SLC35D2: variants seen among roughly 807,000 people sequenced by gnomAD.
SLC35D2 encodes solute carrier family 35 member D2, also known as nucleotide sugar transporter SLC35D2.
Under a neutral mutation model 41.8 loss-of-function variants are expected in SLC35D2, and 43 were observed. That is an observed-to-expected ratio of 1.03 (90% CI 0.81 to 1.33). The LOEUF (loss-of-function observed/expected upper bound fraction) is 1.33, where lower values mean the gene tolerates loss of function less well. Among genes scored for constraint, SLC35D2 ranks in the 40% most tolerant of loss-of-function variants. The pLI, the probability that SLC35D2 is intolerant of heterozygous loss-of-function variation, is 0.00. For missense variants in SLC35D2, 380 were observed against 408.4 expected (o/e 0.93, Z 0.60); for synonymous variants, 150 against 163.9 (o/e 0.92, Z 0.65).
In SLC35D2 at chr9:96,353,162, T is replaced by C. The variant is rs185540598; in HGVS notation, c.348-1053A>G. Among the ~76,000 whole-genome samples the C allele has an allele frequency of 1.2e-4, 19 of 152,166 alleles. No homozygotes were observed. In the East Asian group the frequency reaches 3.3e-3, roughly 26 times the overall value. ...GGAAAAACATCAGAAACAACCTAAATGTCAGACATCACAATAGTTAAATAA... is the reference window on the plus strand; with the variant it reads ...GGAAAAACATCAGAAACAACCTAAACGTCAGACATCACAATAGTTAAATAA... On this transcript the variant is annotated intron_variant, in intron 4 of 11. Transcript: ENST00000253270.
exon 12 of SLC35D2, chr9:96,314,735 A>G (rs1441125941): frequency 6.6e-6 from 1 of 152,380 alleles, no homozygotes; most frequent in African/African-American, 2.4e-5. Context: ...TGTATCCCAG[A>G]ACTTAAAATT....
intron 10 of SLC35D2, among the ~76,000 whole-genome samples, chr9:96,323,609 T>C (rs977143966): frequency 1.3e-5 from 2 of 152,164 alleles, no homozygotes; most frequent in Admixed American, 6.6e-5. Flanking sequence ...AATCTGTCCC[T>C]CTATTCTATG....
intron 4 of SLC35D2, among the ~76,000 whole-genome samples, chr9:96,352,510 CAG>C (rs1358921674): frequency 1.3e-5 from 2 of 151,858 alleles, no homozygotes; most frequent in Non-Finnish European, 2.9e-5. Context: ...TCAGAAGAGA[CAG>C]AGTTTTGCCA....
intron 8 of SLC35D2, among the ~76,000 whole-genome samples, chr9:96,342,091 T>C (rs1330177504): frequency 5.9e-5 from 9 of 151,298 alleles, no homozygotes; most frequent in African/African-American, 1.9e-4. Flanking sequence ...TCATTAAGAG[T>C]TCATAATTTT....
chr9:96,329,073 A>G (rs1448603767), intron 9 of SLC35D2, among the ~76,000 whole-genome samples: 2 of 146,218 alleles, frequency 1.4e-5, no homozygotes, highest in African/African-American at 2.5e-5. Context: ...GGGCAAACAG[A>G]GTGAGACTCC....
intron 9 of SLC35D2, among the ~76,000 whole-genome samples, chr9:96,333,329 G>T (rs576000988): frequency 1.5e-4 from 23 of 151,664 alleles, no homozygotes; most frequent in Non-Finnish European, 2.8e-4. Flanking sequence ...GGGCGTGGTG[G>T]CTCACGCCTG....
intron 9 of SLC35D2, among the ~76,000 whole-genome samples, chr9:96,335,473 C>T (rs1425280896): frequency 6.6e-6 from 1 of 152,096 alleles, no homozygotes; most frequent in Non-Finnish European, 1.5e-5. Context: ...GATTCTTCTG[C>T]CTCAGACTCC....
At chr9:96,340,195 T>C (rs1384563783) in intron 8 of SLC35D2, among the ~76,000 whole-genome samples, 1 of 152,180 alleles carries the variant, frequency 6.6e-6, no homozygotes, top group Non-Finnish European at 1.5e-5. Context: ...TACAGAGCAA[T>C]GTTAGTAGTG....
intron 9 of SLC35D2, 77 bp from the exon 10 acceptor site, chr9:96,324,246 A>G (rs1008541070): frequency 4.2e-5 from 48 of 1,144,994 alleles, no homozygotes; most frequent in Non-Finnish European, 6.1e-5. Flanking sequence ...GCCAGCAGTG[A>G]CCCCCACACA....
chr9:96,369,416 A>T (rs1830595634), intron 1 of SLC35D2, among the ~76,000 whole-genome samples: 1 of 152,196 alleles, frequency 6.6e-6, no homozygotes, highest in South Asian at 2.1e-4. Context: ...GGAAACTGGC[A>T]ATCTGATCCT....
intron 8 of SLC35D2, among the ~76,000 whole-genome samples, chr9:96,340,692 T>C (rs892675550): frequency 2.6e-5 from 4 of 151,406 alleles, no homozygotes; most frequent in African/African-American, 9.7e-5. Flanking sequence ...TGTACTTTGT[T>C]ATTTTATAGA....
chr9:96,370,171 G>A (rs1377811156), intron 1 of SLC35D2, among the ~76,000 whole-genome samples: 1 of 152,164 alleles, frequency 6.6e-6, no homozygotes, highest in Non-Finnish European at 1.5e-5. Context: ...CAGCTCTGCA[G>A]AGCCAGTACA....
At chr9:96,339,621 T>C (rs1434297658) in intron 8 of SLC35D2, among the ~76,000 whole-genome samples, 2 of 152,186 alleles carry the variant, frequency 1.3e-5, no homozygotes, top group African/African-American at 4.8e-5. Flanking sequence ...TTTTTCACTT[T>C]GCACTCAGGG....
At chr9:96,357,132 C>T (rs967681205) in intron 4 of SLC35D2, among the ~76,000 whole-genome samples, 1 of 151,548 alleles carries the variant, frequency 6.6e-6, no homozygotes, top group Non-Finnish European at 1.5e-5. Context: ...GAGCCGAGAT[C>T]GTGCCATTGC....
rs200897475 is a variant in SLC35D2 at position 96,382,496 on chromosome 9, C to CACACTA, written c.158+980_158+981insTAGTGT. Among the ~76,000 whole-genome samples the CACACTA allele has an allele frequency of 7.9e-3, 1,013 of 127,804 alleles. 7 individuals carry two copies. Among genetic ancestry groups the CACACTA allele is most frequent in the South Asian group, 0.02 (75 of 3,686 alleles). The allele number at this position is 127,804 out of a possible 152,430, so 83.8% of individuals were successfully genotyped here. ...ACACACACACACACACACACACACACTATATATATATATATATATATGCCT... is the reference window on the plus strand; with the variant it reads ...ACACACACACACACACACACACACACACACTATATATATATATATATATATATGCCT... On this transcript the variant is annotated intron_variant, in intron 1 of 11. Transcript: ENST00000253270.
At chr9:96,329,046 T>A (rs1303495499) in intron 9 of SLC35D2, among the ~76,000 whole-genome samples, 3 of 147,558 alleles carry the variant, frequency 2.0e-5, no homozygotes, top group African/African-American at 7.6e-5. Context: ...TGAAATCGCG[T>A]CACTGCATTC....
chr9:96,350,417 C>T (rs1444060388), intron 6 of SLC35D2, among the ~76,000 whole-genome samples: 2 of 118,478 alleles, frequency 1.7e-5, no homozygotes, highest in African/African-American at 6.5e-5. Context: ...TTATCTCAAA[C>T]TCATGGGCTC....
At chr9:96,361,521 C>T (rs906488950) in intron 3 of SLC35D2, among the ~76,000 whole-genome samples, 5 of 151,950 alleles carry the variant, frequency 3.3e-5, no homozygotes, top group Admixed American at 3.3e-4. Flanking sequence ...ACCGTCTCTA[C>T]AAAAATTTTT....
At chr9:96,315,232 A>G (rs1828022453) in intron 11 of SLC35D2, among the ~76,000 whole-genome samples, 2 of 144,648 alleles carry the variant, frequency 1.4e-5, no homozygotes, top group Non-Finnish European at 3.1e-5. Context: ...CTATCCTCCC[A>G]CCTCAGCCTC....
Sources: gnomAD v4.1 joint callset for allele counts (sites outside exome capture counted in the v4.1 genomes callset) on GRCh38, gnomAD v4.1.1 for gene constraint, MANE v1.5 for transcripts, NCBI Gene and HGNC (gene_info 2026-07-23, HGNC 2026-07-21) for gene names.